CWF19L2: variants seen among roughly 807,000 people sequenced by gnomAD.
CWF19L2 encodes the protein CWF19 like cell cycle control factor 2.
Under a neutral mutation model 111.7 loss-of-function variants are expected in CWF19L2, and 98 were observed. The observed-to-expected ratio is 0.88, with a 90% CI of 0.75 to 1.04. The LOEUF is 1.04. Ranked by LOEUF, CWF19L2 falls within the 50% of genes least tolerant of loss-of-function variation. CWF19L2 has a pLI of 0.00. For missense variants in CWF19L2, 1,101 were observed against 1,051.4 expected, an observed-to-expected ratio of 1.05 and a Z score of -0.65; for synonymous variants, 351 against 342.9, an observed-to-expected ratio of 1.02 and a Z score of -0.26.
chr11:107,344,654 C>T (rs1310244101), intron 14 of CWF19L2, among the ~76,000 whole-genome samples: 1 of 152,082 alleles, frequency 6.6e-6, no homozygotes, highest in Non-Finnish European at 1.5e-5. Flanking sequence ...AGCATTTTTA[C>T]GAGGGCTGCT....
chr11:107,368,542 GAAGA>G (rs1860465600), intron 12 of CWF19L2, among the ~76,000 whole-genome samples: 1 of 138,104 alleles, frequency 7.2e-6, no homozygotes, highest in East Asian at 2.1e-4. Context: ...ATACAGAAGA[GAAGA>G]AAGATATAAA....
rs76372747 is a variant in CWF19L2 at position 107,442,174 on chromosome 11, C to T, written c.451-552G>A. Among the ~76,000 whole-genome samples the T allele has an allele frequency of 9.3e-3, 1,420 of 152,244 alleles. 22 individuals are homozygous for T. The highest frequency in any genetic ancestry group is 0.032 in the African/African-American group (1,342 of 41,542). On this transcript the variant is annotated intron_variant, in intron 4 of 17. Coordinates refer to ENST00000282251, the MANE Select transcript of CWF19L2 (RefSeq NM_152434.3). ...GCCACTTCTTATCAACAATCAAAAG[C>T]ATGAAAGCCTCTAAGGAACGAGAAT...
At position 107,428,887 on chromosome 11, in the gene CWF19L2, C is replaced by T; in HGVS notation, c.1345G>A (p.Asp449Asn). Residue 449 changes from aspartate to asparagine, a missense_variant, in exon 8 of 18, where the codon GAC (aspartate) becomes AAC (asparagine). Asp to Asn is a conservative substitution (Grantham distance 23). Transcript: ENST00000282251. ...STDEHQHVPE[D>N]PREKSQDEVL... ...TCATCTTGTGATTTTTCTCTTGGGT[C>T]TTCTGGAACATGTTGGTGTTCATCA... is the stretch of plus-strand genomic sequence containing the variant. 1 of 1,613,574 alleles carries T rather than the reference C, an allele frequency of 6.2e-7. No individual in the cohort carries two copies. The highest frequency in any genetic ancestry group is 8.5e-7 in the Non-Finnish European group (1 of 1,179,658).
intron 3 of CWF19L2, among the ~76,000 whole-genome samples, chr11:107,451,022 A>C (rs1363896806): frequency 6.6e-6 from 1 of 152,192 alleles, no homozygotes; most frequent in Non-Finnish European, 1.5e-5. Flanking sequence ...ATAAAACACT[A>C]TACCTAACAA....
chr11:107,339,167 A>G (rs903844656), intron 14 of CWF19L2, among the ~76,000 whole-genome samples: 2 of 152,176 alleles, frequency 1.3e-5, no homozygotes, highest in Non-Finnish European at 2.9e-5. Flanking sequence ...TGCATCAACA[A>G]TTCATTCTTT....
chr11:107,412,056 T>C (rs986257476), intron 10 of CWF19L2, among the ~76,000 whole-genome samples: 1 of 152,106 alleles, frequency 6.6e-6, no homozygotes, highest in Non-Finnish European at 1.5e-5. Context: ...AAATTTTTCT[T>C]ACAAAGACAA....
chr11:107,406,881 T>C (rs1324655298), intron 10 of CWF19L2, among the ~76,000 whole-genome samples: 1 of 151,778 alleles, frequency 6.6e-6, no homozygotes, highest in Non-Finnish European at 1.5e-5. Flanking sequence ...TATTGGCTAA[T>C]GCCACAGACA....
chr11:107,429,543 T>G (rs1861434429), intron 7 of CWF19L2, 92 bp from the exon 8 acceptor site: 1 of 998,466 alleles, frequency 1.0e-6, no homozygotes, highest in South Asian at 1.8e-5. Flanking sequence ...CACTGCCAAG[T>G]GGCACACTGA....
At chr11:107,402,177 C>A (rs1861010614) in intron 10 of CWF19L2, among the ~76,000 whole-genome samples, 6 of 151,992 alleles carry the variant, frequency 3.9e-5, no homozygotes, top group Admixed American at 3.9e-4. Flanking sequence ...CTTAGGAAAG[C>A]ATTTCATGAC....
intron 12 of CWF19L2, among the ~76,000 whole-genome samples, chr11:107,369,181 T>C (rs1222490438): frequency 7.2e-6 from 1 of 137,986 alleles, no homozygotes; most frequent in Non-Finnish European, 1.6e-5. Flanking sequence ...ATTTTTTTCT[T>C]CATTATTTGT....
Position 107,341,944 on chromosome 11 carries a change from T to C in CWF19L2, c.2203-5231A>G, listed in dbSNP as rs894372436. Among the ~76,000 whole-genome samples, 68 of 152,254 alleles carry C rather than the reference T, an allele frequency of 4.5e-4. 1 individual carries two copies. The highest frequency in any genetic ancestry group is 1.6e-3 in the African/African-American group (67 of 41,574). On this transcript the variant is annotated intron_variant, in intron 14 of 17. Transcript: ENST00000282251. Reference sequence around the variant, plus strand: ...TTTCTGATATTGGTAACTTGTTTTTTCTCATTTTTTTTCCTTTGTTGGTCT... The same window carrying C: ...TTTCTGATATTGGTAACTTGTTTTTCCTCATTTTTTTTCCTTTGTTGGTCT...
At chr11:107,403,041 G>A (rs1861029375) in intron 10 of CWF19L2, among the ~76,000 whole-genome samples, 1 of 151,356 alleles carries the variant, frequency 6.6e-6, no homozygotes, top group African/African-American at 2.4e-5. Context: ...TGATATGTAG[G>A]AGCTAAGCTG....
chr11:107,362,523 C>A (rs1213362599), intron 12 of CWF19L2, among the ~76,000 whole-genome samples: 1 of 152,054 alleles, frequency 6.6e-6, no homozygotes, highest in Non-Finnish European at 1.5e-5. Flanking sequence ...ACCCCTGACC[C>A]CCGAGCAGCC....
At chr11:107,391,555 A>T (rs1860847474) in intron 11 of CWF19L2, among the ~76,000 whole-genome samples, 1 of 152,252 alleles carries the variant, frequency 6.6e-6, no homozygotes, top group Non-Finnish European at 1.5e-5. Context: ...TATCAAAAGC[A>T]AAGCTGATAT....
intron 12 of CWF19L2, among the ~76,000 whole-genome samples, chr11:107,369,997 G>A (rs1387765319): frequency 7.3e-6 from 1 of 137,196 alleles, no homozygotes; most frequent in African/African-American, 2.9e-5. Context: ...TTTTTGACAT[G>A]GTTAGAAATA....
intron 11 of CWF19L2, 102 bp from the exon 12 acceptor site, chr11:107,390,313 T>A: frequency 1.0e-6 from 1 of 963,782 alleles, no homozygotes; most frequent in South Asian, 1.8e-5. Flanking sequence ...AAAATCCCAC[T>A]ATGTAATCAC....
At chr11:107,337,411 A>G (rs1011689051) in intron 14 of CWF19L2, among the ~76,000 whole-genome samples, 31 of 124,164 alleles carry the variant, frequency 2.5e-4, no homozygotes, top group South Asian at 7.7e-4. Context: ...GTGTGTGTGT[A>G]TTTCACACTC....
At chr11:107,352,158 G>C (rs1191619922) in intron 13 of CWF19L2, among the ~76,000 whole-genome samples, 1 of 152,102 alleles carries the variant, frequency 6.6e-6, no homozygotes, top group African/African-American at 2.4e-5. Context: ...GTATTGTCCT[G>C]TATTTCCTAA....
intron 16 of CWF19L2, among the ~76,000 whole-genome samples, chr11:107,333,202 TTGC>T (rs572777683): frequency 3.5e-4 from 53 of 152,270 alleles, no homozygotes; most frequent in Admixed American, 3.1e-3. Flanking sequence ...ATAAAGGCAA[TTGC>T]TGCTATCTTT....
Sources: allele counts gnomAD v4.1 joint callset (sites outside exome capture counted in the v4.1 genomes callset), GRCh38; gene constraint gnomAD v4.1.1; transcripts MANE v1.5; gene names NCBI Gene and HGNC (gene_info 2026-07-23, HGNC 2026-07-21).